The following TSHZ2 variants were observed in gnomAD, a reference collection of about 807,000 sequenced individuals.
TSHZ2 encodes teashirt homolog 2.
Under a neutral mutation model 74.4 loss-of-function variants are expected in TSHZ2, and 21 were observed. The observed-to-expected ratio is 0.28, with a 90% CI of 0.20 to 0.41. The LOEUF is 0.41. Among genes scored for constraint, TSHZ2 ranks in the 10% least tolerant of loss-of-function variants. The probability of loss-of-function intolerance (pLI) is 1.00; values close to 1 mark genes in which losing one functional copy is unlikely to be tolerated. For missense variants in TSHZ2, 1,244 were observed against 1,293.5 expected, an observed-to-expected ratio of 0.96 and a Z score of 0.59; for synonymous variants, 540 against 515.3, an observed-to-expected ratio of 1.05 and a Z score of -0.65.
At chr20:53,161,255 A>G (rs1320307094) in intron 1 of TSHZ2, among the ~76,000 whole-genome samples, 1 of 151,752 alleles carries the variant, frequency 6.6e-6, no homozygotes, top group Non-Finnish European at 1.5e-5. Context: ...TGAGTGTTCT[A>G]GGCAGTGCAA....
intron 2 of TSHZ2, among the ~76,000 whole-genome samples, chr20:53,349,483 C>A (rs1395385076): frequency 6.6e-6 from 1 of 152,044 alleles, no homozygotes; most frequent in East Asian, 1.9e-4. Context: ...GAGACCCCAT[C>A]TCTACAAACA....
At position 53,080,550 on chromosome 20, in the gene TSHZ2, A is replaced by G. The variant is rs527972334; in HGVS notation, c.40+107217A>G. 1.4e-4 allele frequency among the ~76,000 whole-genome samples: 21 copies of G among 152,272 alleles called. No individual in the cohort carries two copies. The East Asian group carries it at 3.5e-3, about 25-fold the overall frequency. ...GGTAGGGGAGATGGATGGTTTCAGG[A>G]TGAAAGTCTTTCACCTCGGATGATC... On this transcript the variant is annotated intron_variant, in intron 1 of 2. Transcript: ENST00000371497.
At chr20:53,100,201 C>T (rs573915989) in intron 1 of TSHZ2, among the ~76,000 whole-genome samples, 19 of 152,246 alleles carry the variant, frequency 1.2e-4, no homozygotes, top group African/African-American at 3.9e-4. Context: ...GATTTGCACT[C>T]GTGGACTCTG....
chr20:53,377,778 G>T (rs796806862), intron 2 of TSHZ2, among the ~76,000 whole-genome samples: 8 of 152,246 alleles, frequency 5.3e-5, no homozygotes, highest in African/African-American at 1.9e-4. Context: ...TGGGAAGATC[G>T]CTTGAGCTCA....
chr20:53,168,979 A>G (rs189431167), intron 1 of TSHZ2: 1 of 152,360 alleles, frequency 6.6e-6, no homozygotes, highest in East Asian at 1.9e-4. Flanking sequence ...CTGAATTACA[A>G]ATAAACAATA....
intron 1 of TSHZ2, among the ~76,000 whole-genome samples, chr20:53,094,234 C>T (rs1288175201): frequency 6.6e-6 from 1 of 152,218 alleles, no homozygotes; most frequent in Non-Finnish European, 1.5e-5. Context: ...TTGCCAACTA[C>T]TGTACTAAGT....
chr20:53,313,629 G>A (rs370815662), intron 2 of TSHZ2, among the ~76,000 whole-genome samples: 1 of 152,168 alleles, frequency 6.6e-6, no homozygotes, highest in African/African-American at 2.4e-5. Context: ...GGAATAGGAA[G>A]GTAAAGTGAA....
chr20:53,109,440 CCTT>C (rs1428063387), intron 1 of TSHZ2, among the ~76,000 whole-genome samples: 1 of 152,082 alleles, frequency 6.6e-6, no homozygotes, highest in African/African-American at 2.4e-5. Context: ...TTGGAAGAGT[CCTT>C]CTCATTTTCT....
chr20:53,234,508 T>C (rs1372320021), intron 1 of TSHZ2, among the ~76,000 whole-genome samples: 1 of 151,970 alleles, frequency 6.6e-6, no homozygotes, highest in Non-Finnish European at 1.5e-5. Context: ...AAGCTACAAG[T>C]TGGTAAGTAT....
intron 1 of TSHZ2, among the ~76,000 whole-genome samples, chr20:53,246,507 C>T (rs2123705864): frequency 1.3e-5 from 2 of 152,308 alleles, no homozygotes; most frequent in South Asian, 4.1e-4. Context: ...ACCTGCCTTC[C>T]ATCAGTAATG....
intron 2 of TSHZ2, among the ~76,000 whole-genome samples, chr20:53,429,535 G>A (rs1983765579): frequency 6.6e-6 from 1 of 152,210 alleles, no homozygotes; most frequent in Admixed American, 6.5e-5. Flanking sequence ...CTGCCACCAT[G>A]TGAGACATGC....
chr20:53,274,805 C>G (rs1990909286), intron 2 of TSHZ2, among the ~76,000 whole-genome samples: 2 of 152,070 alleles, frequency 1.3e-5, no homozygotes, highest in South Asian at 2.1e-4. Flanking sequence ...GCCTCTTTTT[C>G]TCTATCTCTA....
At chr20:53,413,007 G>C (rs560130312) in intron 2 of TSHZ2, 5 of 152,370 alleles carry the variant, frequency 3.3e-5, no homozygotes, top group Admixed American at 3.3e-4. Context: ...TCTTGGCTCA[G>C]GTTCCCCCAG....
Position 53,108,036 on chromosome 20 carries a change from T to G in TSHZ2, c.40+134703T>G, listed in dbSNP as rs373420499. Among the ~76,000 whole-genome samples, 24 of 152,368 alleles carry G rather than the reference T, an allele frequency of 1.6e-4. No homozygotes were observed. The South Asian group carries it at 5.0e-3, about 32-fold the overall frequency. On this transcript the variant is annotated intron_variant, in intron 1 of 2. Coordinates refer to ENST00000371497, the MANE Select transcript of TSHZ2 (RefSeq NM_173485.6). ...GTTTTTAATTTTTCTAAACATAATC[T>G]CTCTTCCCCATGGGGAGCTTGATTA...
At chr20:53,005,334 A>AAAT (rs1982603894) in intron 1 of TSHZ2, among the ~76,000 whole-genome samples, 1 of 152,102 alleles carries the variant, frequency 6.6e-6, no homozygotes, top group Non-Finnish European at 1.5e-5. Flanking sequence ...ATAAATAAAT[A>AAAT]AACAAATAAG....
chr20:53,173,469 A>T (rs2123490166), intron 1 of TSHZ2, among the ~76,000 whole-genome samples: 1 of 152,212 alleles, frequency 6.6e-6, no homozygotes, highest in Admixed American at 6.5e-5. Context: ...TTAGCCAGGC[A>T]TGGTGGTGTG....
At chr20:53,165,495 G>A (rs554561102) in intron 1 of TSHZ2, among the ~76,000 whole-genome samples, 1 of 152,322 alleles carries the variant, frequency 6.6e-6, no homozygotes, top group South Asian at 2.1e-4. Context: ...ACAGATGCTA[G>A]GGAGAAAATG....
At chr20:53,233,183 A>G (rs1471576153) in intron 1 of TSHZ2, among the ~76,000 whole-genome samples, 3 of 152,242 alleles carry the variant, frequency 2.0e-5, no homozygotes, top group Non-Finnish European at 2.9e-5. Flanking sequence ...TGGAAGGAAG[A>G]TCTTGGAATC....
chr20:53,111,774 C>T (rs1054269508), intron 1 of TSHZ2, among the ~76,000 whole-genome samples: 3 of 152,184 alleles, frequency 2.0e-5, no homozygotes, highest in South Asian at 2.1e-4. Flanking sequence ...GACCCCAGAT[C>T]GAGCCAGGAA....
Sources: allele counts gnomAD v4.1 joint callset (sites outside exome capture counted in the v4.1 genomes callset), GRCh38; gene constraint gnomAD v4.1.1; transcripts MANE v1.5; gene names NCBI Gene and HGNC (gene_info 2026-07-23, HGNC 2026-07-21).